The following MAGI1 variants were observed in gnomAD, a reference collection of about 807,000 sequenced individuals.
The protein encoded by MAGI1 is membrane associated guanylate kinase, WW and PDZ domain containing 1, also known as membrane-associated guanylate kinase, WW and PDZ domain-containing protein 1.
In MAGI1, 58 loss-of-function variants were observed where a neutral mutation model predicts 139.9. The observed-to-expected ratio is 0.41, with a 90% CI of 0.34 to 0.52. The LOEUF (loss-of-function observed/expected upper bound fraction) is 0.52, where lower values mean the gene tolerates loss of function less well. Among genes scored for constraint, MAGI1 ranks in the 20% least tolerant of loss-of-function variants. MAGI1 has a pLI of 0.12. For missense variants in MAGI1, 1,874 were observed against 1,901.6 expected (o/e 0.99, Z 0.27); for synonymous variants, 812 against 737.9 (o/e 1.10, Z -1.63).
chr3:65,356,228 T>C lies in MAGI1; in HGVS notation c.*150A>G. ...TACTTTTCATATATATTTTTTCTTATAAGATTTCAAATGCATAAAATGTTT... is the reference window on the plus strand; with the variant it reads ...TACTTTTCATATATATTTTTTCTTACAAGATTTCAAATGCATAAAATGTTT... On this transcript the variant is annotated 3_prime_UTR_variant, in exon 23 of 23. Transcript: ENST00000402939. The C allele has an allele frequency of 1.4e-6, 1 of 716,202 alleles. No homozygotes were observed. The highest frequency in any genetic ancestry group is 2.2e-6 in the Non-Finnish European group (1 of 463,836). 44.4% of individuals were successfully genotyped at this position (716,202 alleles called of 1,614,324 possible).
At chr3:65,637,661 A>C (rs1414591953) in intron 1 of MAGI1, among the ~76,000 whole-genome samples, 1 of 152,166 alleles carries the variant, frequency 6.6e-6, no homozygotes, top group Non-Finnish European at 1.5e-5. Flanking sequence ...CAAATTGTTG[A>C]GATTTGATAT....
chr3:65,379,691 A>G (rs1454097307), intron 16 of MAGI1, 137 bp from the exon 17 acceptor site: 1 of 1,377,430 alleles, frequency 7.3e-7, no homozygotes, highest in East Asian at 2.3e-5. Context: ...GTTTCACAAT[A>G]CCTGGATATA....
At chr3:65,384,590 C>T (rs562652518) in intron 14 of MAGI1, among the ~76,000 whole-genome samples, 9 of 151,956 alleles carry the variant, frequency 5.9e-5, no homozygotes, top group Non-Finnish European at 1.2e-4. Context: ...AAAAATGAGC[C>T]AGGTATGGTG....
chr3:65,833,556 T>G (rs1216924820), intron 1 of MAGI1, among the ~76,000 whole-genome samples: 1 of 152,210 alleles, frequency 6.6e-6, no homozygotes, highest in African/African-American at 2.4e-5. Flanking sequence ...TGTGCAAGTA[T>G]ATGTTCAAAT....
At chr3:65,747,589 G>C (rs1287876277) in intron 1 of MAGI1, among the ~76,000 whole-genome samples, 2 of 152,122 alleles carry the variant, frequency 1.3e-5, no homozygotes, top group East Asian at 3.8e-4. Flanking sequence ...GGGAATAAAA[G>C]CTCTTTGGTG....
At chr3:65,931,422 G>C (rs1261183623) in intron 1 of MAGI1, among the ~76,000 whole-genome samples, 2 of 152,178 alleles carry the variant, frequency 1.3e-5, no homozygotes, top group Admixed American at 1.3e-4. Flanking sequence ...TTGAGGTCTA[G>C]ATCGAGACCC....
intron 1 of MAGI1, among the ~76,000 whole-genome samples, chr3:65,959,284 C>T (rs1353646090): frequency 6.6e-6 from 1 of 152,158 alleles, no homozygotes; most frequent in Non-Finnish European, 1.5e-5. Flanking sequence ...CTTCTACTCC[C>T]TTAAGACATT....
At chr3:65,462,278 CTTGAG>C (rs768082593) in intron 5 of MAGI1, among the ~76,000 whole-genome samples, 57 of 152,162 alleles carry the variant, frequency 3.7e-4, no homozygotes, top group Non-Finnish European at 5.7e-4. Context: ...TTTAATCCAT[CTTGAG>C]TTAATTTTTG....
At chr3:65,657,096 T>C (rs2085922520) in intron 1 of MAGI1, among the ~76,000 whole-genome samples, 1 of 151,670 alleles carries the variant, frequency 6.6e-6, no homozygotes. Context: ...AGTATTGGGC[T>C]AAAAACTTTA....
chr3:65,379,749 A>AGGTG lies in MAGI1; in HGVS notation c.2702-196_2702-195insCACC, dbSNP rs369296884. Among the ~76,000 whole-genome samples, 294 of 152,306 alleles carry AGGTG rather than the reference A, an allele frequency of 1.9e-3. 3 individuals carry two copies. The highest frequency in any genetic ancestry group is 6.9e-3 in the African/African-American group (287 of 41,570). ...GACAAATATTAACCATTCAGTATCT[A>AGGTG]CGAACATTGATCCCACCTAACACCA... On this transcript the variant is annotated intron_variant, in intron 16 of 22. Coordinates refer to ENST00000402939, the MANE Select transcript of MAGI1 (RefSeq NM_001033057.2).
chr3:65,665,244 G>A (rs909424093), intron 1 of MAGI1, among the ~76,000 whole-genome samples: 1 of 152,186 alleles, frequency 6.6e-6, no homozygotes, highest in African/African-American at 2.4e-5. Context: ...GCTCTTAGCT[G>A]TGAATTCGGT....
At chr3:65,575,748 G>C (rs2081148466) in intron 2 of MAGI1, among the ~76,000 whole-genome samples, 1 of 152,180 alleles carries the variant, frequency 6.6e-6, no homozygotes, top group South Asian at 2.1e-4. Context: ...AATTCTGCTA[G>C]TGAATGATGT....
At chr3:65,539,125 C>T (rs2079091013) in intron 2 of MAGI1, among the ~76,000 whole-genome samples, 1 of 152,108 alleles carries the variant, frequency 6.6e-6, no homozygotes, top group Non-Finnish European at 1.5e-5. Flanking sequence ...CAACTACCGT[C>T]AAACAGACAC....
rs114827761 is a variant in MAGI1 at position 65,766,457 on chromosome 3, A to T, written c.314-144369T>A. Among the ~76,000 whole-genome samples the T allele has an allele frequency of 6.1e-3, 928 of 152,182 alleles. 10 individuals carry two copies. Among genetic ancestry groups the T allele is most frequent in the African/African-American group, 0.021 (874 of 41,574 alleles). ...CTACGTTGCAAGGGATTGTACAGCT[A>T]TTCTCCATGTTGGTCAGGCTGGTCT... On this transcript the variant is annotated intron_variant, in intron 1 of 22. Coordinates refer to ENST00000402939, the MANE Select transcript of MAGI1 (RefSeq NM_001033057.2).
At chr3:65,644,513 A>T (rs953340071) in intron 1 of MAGI1, among the ~76,000 whole-genome samples, 1 of 151,912 alleles carries the variant, frequency 6.6e-6, no homozygotes, top group Non-Finnish European at 1.5e-5. Flanking sequence ...GTAAGCAGTG[A>T]TCGTACCACT....
At chr3:65,689,453 T>G (rs1283361634) in intron 1 of MAGI1, among the ~76,000 whole-genome samples, 1 of 152,172 alleles carries the variant, frequency 6.6e-6, no homozygotes, top group Non-Finnish European at 1.5e-5. Context: ...TGCTCCCTAT[T>G]TCAGTTAATG....
chr3:65,976,782 C>A (rs2065288398), intron 1 of MAGI1, among the ~76,000 whole-genome samples: 1 of 152,208 alleles, frequency 6.6e-6, no homozygotes, highest in Admixed American at 6.5e-5. Flanking sequence ...TAGCTTAAGG[C>A]ACAGGTAAAC....
Position 65,448,125 on chromosome 3 carries a change from G to T in MAGI1, c.1043-68C>A, listed in dbSNP as rs140192341. The T allele has an allele frequency of 2.8e-5, 40 of 1,415,264 alleles. No individual in the cohort carries two copies. The African/African-American group carries it at 4.9e-4, about 17-fold the overall frequency. The allele number at this position is 1,415,264 out of a possible 1,614,324, so 87.7% of individuals were successfully genotyped here. ...AGCAAAATTCAGACACCAGCACCAAGAAAGGAAATCTCCTCAGGAAAACAG... is the reference window on the plus strand; with the variant it reads ...AGCAAAATTCAGACACCAGCACCAATAAAGGAAATCTCCTCAGGAAAACAG... On this transcript the variant is annotated intron_variant, in intron 6 of 22. Coordinates refer to ENST00000402939, the MANE Select transcript of MAGI1 (RefSeq NM_001033057.2).
rs138089794 is a variant in MAGI1, at chr3:65,944,333, C to T, written c.313+93663G>A. On this transcript the variant is annotated intron_variant, in intron 1 of 22. Transcript: ENST00000402939. Reference sequence around the variant, plus strand: ...TTCAAGACCAGCCTGGGCAACATAGCGAGACTCTATCTCTACAAAAAATAA... The same window carrying T: ...TTCAAGACCAGCCTGGGCAACATAGTGAGACTCTATCTCTACAAAAAATAA... Among the ~76,000 whole-genome samples the T allele has an allele frequency of 5.9e-4, 89 of 152,010 alleles. 1 individual carries two copies. In the East Asian group the frequency reaches 0.014, roughly 24 times the overall value.
Sources: gnomAD v4.1 joint callset for allele counts (sites outside exome capture counted in the v4.1 genomes callset) on GRCh38, gnomAD v4.1.1 for gene constraint, MANE v1.5 for transcripts, NCBI Gene and HGNC (gene_info 2026-07-23, HGNC 2026-07-21) for gene names.